Variants in XDH observed in about 807,000 individuals in gnomAD.
XDH encodes the protein xanthine dehydrogenase.
In XDH, 138 loss-of-function variants were observed where a neutral mutation model predicts 156.1. The ratio of observed to expected loss-of-function variants is 0.88; its 90% CI spans 0.77 to 1.02. XDH has a LOEUF of 1.02. Ranked by LOEUF, XDH falls within the 50% of genes least tolerant of loss-of-function variation. The pLI, the probability that XDH is intolerant of heterozygous loss-of-function variation, is 0.00. For synonymous variants in XDH, 669 were observed against 625.7 expected (o/e 1.07, Z -1.03); for missense variants, 1,849 against 1,684.9 (o/e 1.10, Z -1.71).
At chr2:31,376,802 C>A (rs1252920484) in intron 14 of XDH, among the ~76,000 whole-genome samples, 2 of 123,024 alleles carry the variant, frequency 1.6e-5, no homozygotes, top group Non-Finnish European at 3.4e-5. Context: ...GTAGTAGCAG[C>A]AATGGTAATA....
chr2:31,343,310 A>ATATATATATATATATATATGTATGTT (rs1553411675), intron 31 of XDH, among the ~76,000 whole-genome samples: 1 of 102,230 alleles, frequency 9.8e-6, no homozygotes, highest in African/African-American at 4.6e-5. Context: ...ATATATATAT[A>ATATATATATATATATATATGTATGTT]TATATATATA....
At chr2:31,376,858 C>T (rs1036075499) in intron 14 of XDH, among the ~76,000 whole-genome samples, 195 bp downstream of exon 14, 4 of 150,228 alleles carry the variant, frequency 2.7e-5, no homozygotes, top group African/African-American at 4.9e-5. Context: ...GTAGTAGTAT[C>T]GGTAATAGTA....
chr2:31,372,474 G>C (rs1370191053), intron 16 of XDH, 77 bp from the exon 17 acceptor site: 10 of 1,594,832 alleles, frequency 6.3e-6, no homozygotes, highest in African/African-American at 1.3e-5. Flanking sequence ...ACACTGGTGA[G>C]CTTCATGCTA....
Position 31,349,709 on chromosome 2 carries a change from C to T in XDH, c.2946G>A (p.Lys982=), listed in dbSNP as rs1483652437. ...CLASSQYHAR[K]SEVDKFNKEN... Reference sequence around the variant, plus strand: ...ACTTGTTGAACTTGTCAACCTCACTCTTCCGAGCATGATACTGAGAGCTTG... The same window carrying T: ...ACTTGTTGAACTTGTCAACCTCACTTTTCCGAGCATGATACTGAGAGCTTG... The change falls in exon 26 of 36, where the codon AAG becomes AAA. Residue 982 remains lysine (K), a synonymous_variant. Transcript: ENST00000379416. The T allele has an allele frequency of 6.2e-7, 1 of 1,614,216 alleles. No individual in the cohort carries two copies. The highest frequency in any genetic ancestry group is 1.1e-5 in the South Asian group (1 of 91,084).
rs1039901175 is a variant in XDH, at chr2:31,375,374, A to T, written c.1602+6T>A. The T allele has an allele frequency of 3.1e-6, 5 of 1,614,016 alleles. No homozygotes were observed. The East Asian group carries it at 1.1e-4, about 36-fold the overall frequency. ...GAGAGCCTGTGCCTGGCCAGGCCCC[A>T]CTCACGTCTTCCAGGTTCTCTTGGC... is the stretch of plus-strand genomic sequence containing the variant. On this transcript the variant is annotated splice_donor_region_variant and intron_variant, in intron 15 of 35. Coordinates refer to ENST00000379416, the MANE Select transcript of XDH (RefSeq NM_000379.4).
intron 1 of XDH, among the ~76,000 whole-genome samples, chr2:31,409,769 A>T (rs1687291978): frequency 6.6e-6 from 1 of 152,234 alleles, no homozygotes; most frequent in Non-Finnish European, 1.5e-5. Flanking sequence ...GAGAAACTGG[A>T]ACACCTGTCC....
chr2:31,337,837 AG>A lies in XDH; in HGVS notation c.3775-21del. Reference sequence around the variant, plus strand: ...AACAGCCTGAACACAGACAGGGCACAGGGCAGGGGCTCAGGCAGGTGGTCCT... The same window carrying A: ...AACAGCCTGAACACAGACAGGGCACAGGCAGGGGCTCAGGCAGGTGGTCCT... On this transcript the variant is annotated intron_variant, in intron 34 of 35. Transcript: ENST00000379416. 6.2e-7 allele frequency: 1 copy of A among 1,612,618 alleles called. No homozygotes were observed. The highest frequency in any genetic ancestry group is 8.5e-7 in the Non-Finnish European group (1 of 1,179,132).
At chr2:31,342,950 T>C (rs1164719514) in intron 31 of XDH, among the ~76,000 whole-genome samples, 1 of 152,158 alleles carries the variant, frequency 6.6e-6, no homozygotes, top group African/African-American at 2.4e-5. Flanking sequence ...TATGTGTATA[T>C]CTATGCATTT....
intron 6 of XDH, among the ~76,000 whole-genome samples, chr2:31,394,112 G>C (rs1212641016): frequency 6.6e-6 from 1 of 151,884 alleles, no homozygotes; most frequent in Non-Finnish European, 1.5e-5. Context: ...ACCTTTACTT[G>C]TTCATTCTCT....
At chr2:31,384,523 G>C (rs1686531870) in intron 9 of XDH, 1 of 154,574 alleles carries the variant, frequency 6.5e-6, no homozygotes, top group South Asian at 2.0e-4. Context: ...TCTGTGTGTG[G>C]TTTCTGGCCT....
At position 31,375,019 on chromosome 2, in the gene XDH, C is replaced by CTTTTT. The variant is rs757150117; in HGVS notation, c.1602+360_1602+361insAAAAA. On this transcript the variant is annotated intron_variant, in intron 15 of 35. Coordinates refer to ENST00000379416, the MANE Select transcript of XDH (RefSeq NM_000379.4). ...CCTTTCTTTCTTTCTTTCTTTCTTT[C>CTTTTT]TTTCTTTTTTTTTTTTTTTTTTTGA... Among the ~76,000 whole-genome samples, 85 of 101,228 alleles carry CTTTTT rather than the reference C, an allele frequency of 8.4e-4. 1 individual carries two copies. Among genetic ancestry groups the CTTTTT allele is most frequent in the African/African-American group, 3.0e-3 (62 of 20,568 alleles). The allele number at this position is 101,228 out of a possible 152,430, so 66.4% of individuals were successfully genotyped here.
Position 31,377,090 on chromosome 2 carries a change from T to C in XDH, c.1390A>G (p.Ile464Val). The C allele has an allele frequency of 1.9e-6, 3 of 1,614,146 alleles. No homozygotes were observed. Among genetic ancestry groups the C allele is most frequent in the East Asian group, 2.2e-5 (1 of 44,882 alleles). The change falls in exon 14 of 36, where the codon ATC (isoleucine) becomes GTC (valine). Residue 464 changes from isoleucine to valine, a missense_variant. Physicochemically the swap from Ile to Val is conservative, Grantham distance 29. Transcript: ENST00000379416. The part of the protein sequence containing the change: ...LCYGGMANRT[I>V]SALKTTQRQL... The stretch of plus-strand genomic sequence containing the variant: ...CTCTGAGTGGTCTTGAGGGCTGAGA[T>C]GGTTCTGTTGGCCATTCCACCATAG...
Position 31,335,904 on chromosome 2 carries a change from T to C in XDH, c.*54A>G. On this transcript the variant is annotated 3_prime_UTR_variant, in exon 36 of 36. Transcript: ENST00000379416. ...TCCATGTTCTGTGGTATGTTCCTCCTGCTCCATGGAAGCCCAAAGGCAGCA... is the reference window on the plus strand; with the variant it reads ...TCCATGTTCTGTGGTATGTTCCTCCCGCTCCATGGAAGCCCAAAGGCAGCA... 3.2e-6 allele frequency: 5 copies of C among 1,581,122 alleles called. No individual in the cohort carries two copies. Among genetic ancestry groups the C allele is most frequent in the South Asian group, 2.2e-5 (2 of 90,372 alleles).
chr2:31,349,792 G>A lies in XDH; in HGVS notation c.2863C>T (p.His955Tyr), dbSNP rs762858102. ...KNLYKEGDLTHFNQKLEGFTL... is the reference protein window; with the variant it reads ...KNLYKEGDLTYFNQKLEGFTL... ...AAACCCTCAAGCTTCTGGTTGAAGT[G>A]TGTCAGGTCCCCTTCTTTGTACAGG... is the stretch of plus-strand genomic sequence containing the variant. The change falls in exon 26 of 36, where the codon CAC becomes TAC. Residue 955 changes from histidine (H) to tyrosine (Y), a missense_variant. Physicochemically the swap from His to Tyr is moderately conservative, Grantham distance 83 (BLOSUM62 2). Coordinates refer to ENST00000379416, the MANE Select transcript of XDH (RefSeq NM_000379.4). 5.2e-5 allele frequency: 84 copies of A among 1,614,032 alleles called. No homozygotes were observed. Among genetic ancestry groups the A allele is most frequent in the Non-Finnish European group, 6.8e-5 (80 of 1,180,040 alleles).
At position 31,377,101 on chromosome 2, in the gene XDH, G is replaced by A. The variant is rs1036128100; in HGVS notation, c.1379C>T (p.Ala460Val). ...QELALCYGGMANRTISALKTT... is the reference protein window; with the variant it reads ...QELALCYGGMVNRTISALKTT... ...CTTGAGGGCTGAGATGGTTCTGTTG[G>A]CCATTCCACCATAGCAAAGGGCCAG... The change falls in exon 14 of 36, where the codon GCC becomes GTC. Residue 460 changes from alanine (A) to valine (V), a missense_variant. Coordinates refer to ENST00000379416, the MANE Select transcript of XDH (RefSeq NM_000379.4). 4 of 1,614,102 alleles carry A rather than the reference G, an allele frequency of 2.5e-6. No homozygotes were observed. The highest frequency in any genetic ancestry group is 2.5e-6 in the Non-Finnish European group (3 of 1,180,012).
chr2:31,340,366 AGTT>A (rs1468890710), intron 33 of XDH, among the ~76,000 whole-genome samples: 1 of 152,244 alleles, frequency 6.6e-6, no homozygotes, highest in Non-Finnish European at 1.5e-5. Flanking sequence ...TATACTCAGT[AGTT>A]GTCCATTTTT....
Position 31,380,059 on chromosome 2 carries a change from G to T in XDH, c.1133-83C>A, listed in dbSNP as rs180915415. The T allele has an allele frequency of 1.5e-4, 203 of 1,351,170 alleles. No homozygotes were observed. In the Admixed American group the frequency reaches 3.4e-3, roughly 23 times the overall value. The allele number at this position is 1,351,170 out of a possible 1,614,324, so 83.7% of individuals were successfully genotyped here. A position where few individuals can be genotyped will look rare whatever the true frequency, so the allele number is the denominator to read the frequency against. The stretch of plus-strand genomic sequence containing the variant: ...TGGGGAGAAAGGATAACCATCAGTG[G>T]GATTCTTCATGCTGGTCTCCAATGC... On this transcript the variant is annotated intron_variant, in intron 12 of 35. Transcript: ENST00000379416.
At chr2:31,354,994 A>G (rs1245675828) in intron 24 of XDH, among the ~76,000 whole-genome samples, 1 of 152,206 alleles carries the variant, frequency 6.6e-6, no homozygotes, top group Non-Finnish European at 1.5e-5. Flanking sequence ...TCATAATTAA[A>G]CTTCTGAAAA....
chr2:31,404,733 A>G (rs568788031), intron 2 of XDH, among the ~76,000 whole-genome samples: 1 of 152,176 alleles, frequency 6.6e-6, no homozygotes, highest in Admixed American at 6.5e-5. Flanking sequence ...CGATCTAGTG[A>G]CACTTTCACT....
Sources: gnomAD v4.1 joint callset for allele counts (sites outside exome capture counted in the v4.1 genomes callset) on GRCh38, gnomAD v4.1.1 for gene constraint, MANE v1.5 for transcripts, NCBI Gene and HGNC (gene_info 2026-07-23, HGNC 2026-07-21) for gene names.